The following MEGF11 variants were observed in gnomAD, a reference collection of about 807,000 sequenced individuals.
MEGF11 encodes multiple EGF like domains 11.
MEGF11 carries 126 observed loss-of-function variants against 146.6 expected under a neutral mutation model. The observed-to-expected ratio is 0.86, with a 90% CI of 0.74 to 1.00. The LOEUF (loss-of-function observed/expected upper bound fraction) is 1.00, where lower values mean the gene tolerates loss of function less well. MEGF11 is among the 50% of genes least tolerant of loss of function. The probability of loss-of-function intolerance (pLI) is 0.00; values close to 1 mark genes in which losing one functional copy is unlikely to be tolerated. For missense variants in MEGF11, 1,509 were observed against 1,521.2 expected, an observed-to-expected ratio of 0.99 and a Z score of 0.13; for synonymous variants, 532 against 583.4, an observed-to-expected ratio of 0.91 and a Z score of 1.27.
intron 1 of MEGF11, among the ~76,000 whole-genome samples, chr15:66,183,100 G>A (rs12594615): frequency 0.22 from 33,936 of 152,150 alleles, 4,148 homozygotes; most frequent in East Asian, 0.47. Context: ...CACACACACA[G>A]AATGACACTA....
intron 1 of MEGF11, among the ~76,000 whole-genome samples, chr15:66,203,210 AGGAGCTGAGACCTTCATGGAGGTC>A (rs1199246247): frequency 2.0e-5 from 3 of 152,206 alleles, no homozygotes; most frequent in Non-Finnish European, 2.9e-5. Context: ...CAAGTGGGGT[AGGAGCTGAGACCTTCATGGAGGTC>A]GGAGAGCATC....
At chr15:65,915,635 C>T (rs1239758663) in intron 18 of MEGF11, 37 bp from the exon 19 acceptor site, 1 of 1,604,114 alleles carries the variant, frequency 6.2e-7, no homozygotes, top group Non-Finnish European at 8.5e-7. Context: ...AGGACCCACT[C>T]ACTCTCCACC....
At chr15:65,908,000 G>C (rs897310147) in intron 23 of MEGF11, among the ~76,000 whole-genome samples, 4 of 152,242 alleles carry the variant, frequency 2.6e-5, no homozygotes, top group Admixed American at 2.0e-4. Flanking sequence ...TGTAGAAAGA[G>C]ATACAGGGTG....
chr15:66,157,569 T>C (rs2089807448), intron 1 of MEGF11, among the ~76,000 whole-genome samples: 1 of 152,226 alleles, frequency 6.6e-6, no homozygotes, highest in South Asian at 2.1e-4. Flanking sequence ...GTCCAGAATC[T>C]CCTGCCATCT....
At chr15:66,208,296 T>C (rs1459357704) in intron 1 of MEGF11, among the ~76,000 whole-genome samples, 1 of 152,168 alleles carries the variant, frequency 6.6e-6, no homozygotes, top group African/African-American at 2.4e-5. Context: ...AGAAAACTGA[T>C]GTTTTGTGTA....
At chr15:65,928,591 A>G (rs2079458353) in intron 12 of MEGF11, 64 bp from the exon 13 acceptor site, 12 of 1,135,694 alleles carry the variant, frequency 1.1e-5, no homozygotes, top group South Asian at 6.6e-5. Flanking sequence ...GTGTACTTCT[A>G]TGGATCTTTT....
intron 1 of MEGF11, among the ~76,000 whole-genome samples, chr15:66,164,990 G>A (rs1298129702): frequency 6.6e-6 from 1 of 152,228 alleles, no homozygotes; most frequent in East Asian, 1.9e-4. Flanking sequence ...ACTGCCGGCA[G>A]CTGGCTGGGA....
intron 5 of MEGF11, among the ~76,000 whole-genome samples, chr15:66,083,944 A>T (rs1469407860): frequency 1.3e-5 from 2 of 152,218 alleles, no homozygotes; most frequent in Non-Finnish European, 2.9e-5. Context: ...TTTAAAAATG[A>T]CACTATCAAC....
intron 5 of MEGF11, among the ~76,000 whole-genome samples, chr15:66,054,186 G>A (rs1175963164): frequency 6.6e-6 from 1 of 152,090 alleles, no homozygotes; most frequent in Non-Finnish European, 1.5e-5. Context: ...TCTCCTAAGT[G>A]CCTGCCTGGT....
intron 5 of MEGF11, among the ~76,000 whole-genome samples, chr15:66,076,050 T>C (rs2140500045): frequency 6.6e-6 from 1 of 152,258 alleles, no homozygotes; most frequent in South Asian, 2.1e-4. Flanking sequence ...GTCTGCTGAA[T>C]GAGTGGATGA....
intron 4 of MEGF11, among the ~76,000 whole-genome samples, chr15:66,103,973 G>C (rs905700299): frequency 6.6e-6 from 1 of 152,352 alleles, no homozygotes. Flanking sequence ...CTGCTTCCTA[G>C]CTGTGGGTCC....
chr15:66,024,422 G>T (rs1032745474), intron 5 of MEGF11, among the ~76,000 whole-genome samples: 6 of 152,242 alleles, frequency 3.9e-5, no homozygotes, highest in Non-Finnish European at 8.8e-5. Flanking sequence ...GGCTTGGAAA[G>T]AAATGACTTT....
chr15:65,930,734 C>A, intron 11 of MEGF11, 89 bp downstream of exon 11: 1 of 1,445,338 alleles, frequency 6.9e-7, no homozygotes, highest in Non-Finnish European at 9.2e-7. Flanking sequence ...GGGGTTGGGG[C>A]AGCCCCACCT....
chr15:66,098,812 G>A (rs77145245), intron 4 of MEGF11, among the ~76,000 whole-genome samples: 7 of 152,324 alleles, frequency 4.6e-5, no homozygotes, highest in South Asian at 4.2e-4. Flanking sequence ...AAGGTCACAC[G>A]GCATGTGTGT....
At chr15:66,183,238 G>A (rs999606195) in intron 1 of MEGF11, among the ~76,000 whole-genome samples, 1 of 152,138 alleles carries the variant, frequency 6.6e-6, no homozygotes, top group Non-Finnish European at 1.5e-5. Context: ...GGGGGCTCAC[G>A]CCTGTAATCC....
At chr15:66,185,124 C>T (rs1469651292) in intron 1 of MEGF11, among the ~76,000 whole-genome samples, 1 of 152,160 alleles carries the variant, frequency 6.6e-6, no homozygotes, top group Admixed American at 6.5e-5. Context: ...TGAAAGAATG[C>T]TTAGCAAATC....
intron 4 of MEGF11, among the ~76,000 whole-genome samples, chr15:66,113,795 G>A (rs1205989431): frequency 6.6e-6 from 1 of 152,048 alleles, no homozygotes; most frequent in African/African-American, 2.4e-5. Context: ...GCAGGAGAAT[G>A]GTGTGAACCC....
At chr15:66,092,232 G>T (rs555213775) in intron 5 of MEGF11, among the ~76,000 whole-genome samples, 1 of 152,344 alleles carries the variant, frequency 6.6e-6, no homozygotes, top group African/African-American at 2.4e-5. Flanking sequence ...TTCAAGCAAA[G>T]GTTGGAAAGC....
At chr15:66,251,299 G>A (rs892174205) in intron 1 of MEGF11, among the ~76,000 whole-genome samples, 9 of 152,206 alleles carry the variant, frequency 5.9e-5, no homozygotes, top group Admixed American at 2.6e-4. Flanking sequence ...CCGAGGATCA[G>A]CTCCTAATCT....
Sources: gnomAD v4.1 joint callset for allele counts (sites outside exome capture counted in the v4.1 genomes callset) on GRCh38, gnomAD v4.1.1 for gene constraint, MANE v1.5 for transcripts, NCBI Gene and HGNC (gene_info 2026-07-23, HGNC 2026-07-21) for gene names.